Variants in PHF20 observed in about 807,000 individuals in gnomAD.
PHF20 encodes the protein PHD finger protein 20.
A neutral mutation model predicts 113.5 loss-of-function variants in PHF20; 23 were observed. The observed-to-expected ratio is 0.20, with a 90% CI of 0.15 to 0.29. The LOEUF (loss-of-function observed/expected upper bound fraction) is 0.29. Ranked by LOEUF, PHF20 falls within the 10% of genes least tolerant of loss-of-function variation. The pLI is 1.00. For synonymous variants in PHF20, 434 were observed against 457.3 expected (o/e 0.95, Z 0.65); for missense variants, 943 against 1,219.6 (o/e 0.77, Z 3.38).
intron 2 of PHF20, among the ~76,000 whole-genome samples, chr20:35,823,194 G>T (rs537327722): frequency 2.0e-4 from 31 of 152,200 alleles, no homozygotes; most frequent in African/African-American, 7.5e-4. Flanking sequence ...TGCTCAAAAA[G>T]TTTCGGATTT....
intron 4 of PHF20, chr20:35,849,427 G>A: frequency 2.1e-6 from 1 of 471,038 alleles, no homozygotes; most frequent in Non-Finnish European, 4.4e-6. Context: ...GAATGAAGTA[G>A]GTGCTGAAAT....
At chr20:35,801,903 T>C (rs2041788356) in intron 2 of PHF20, 2 of 228,762 alleles carry the variant, frequency 8.7e-6, no homozygotes, top group South Asian at 7.9e-5. Context: ...GCTCTCTTGC[T>C]CCTGGCTGCC....
rs1051070972 is a variant in PHF20, at chr20:35,899,662, T to C, written c.1561+14T>C. 18 of 1,612,644 alleles carry C rather than the reference T, an allele frequency of 1.1e-5. No individual in the cohort carries two copies. The highest frequency in any genetic ancestry group is 6.7e-5 in the East Asian group (3 of 44,870). On this transcript the variant is annotated intron_variant, in intron 10 of 17. Coordinates refer to ENST00000374012, the MANE Select transcript of PHF20 (RefSeq NM_016436.5). ...CCAGTTCCCCAAGTAAGTATCTTCATTCTTCATTGTGTCATGGATGGCTCA... is the reference window on the plus strand; with the variant it reads ...CCAGTTCCCCAAGTAAGTATCTTCACTCTTCATTGTGTCATGGATGGCTCA...
chr20:35,778,548 A>C (rs529972460), intron 1 of PHF20, among the ~76,000 whole-genome samples: 123 of 152,170 alleles, frequency 8.1e-4, no homozygotes, highest in African/African-American at 2.8e-3. Context: ...TCAGGAGTTC[A>C]AGACCAGCCT....
chr20:35,857,241 A>G (rs555063943), intron 4 of PHF20, among the ~76,000 whole-genome samples: 1 of 152,310 alleles, frequency 6.6e-6, no homozygotes, highest in African/African-American at 2.4e-5. Context: ...ATTGGCTCTA[A>G]GATGCAAAAT....
intron 2 of PHF20, among the ~76,000 whole-genome samples, chr20:35,820,801 CT>C (rs1218162956): frequency 1.3e-5 from 2 of 151,668 alleles, no homozygotes; most frequent in Non-Finnish European, 2.9e-5. Flanking sequence ...ATGTGTTTTG[CT>C]TTTTTTATAT....
At chr20:35,833,790 C>T (rs185437110) in intron 2 of PHF20, among the ~76,000 whole-genome samples, 6 of 152,110 alleles carry the variant, frequency 3.9e-5, no homozygotes, top group African/African-American at 1.2e-4. Context: ...CCAGGCACAG[C>T]GGTTCATGCC....
At chr20:35,863,793 A>G (rs2054262360) in intron 6 of PHF20, among the ~76,000 whole-genome samples, 1 of 152,182 alleles carries the variant, frequency 6.6e-6, no homozygotes, top group African/African-American at 2.4e-5. Context: ...GTAATAGTAA[A>G]AAGGTATGGG....
intron 4 of PHF20, among the ~76,000 whole-genome samples, chr20:35,851,120 G>A (rs749739125): frequency 5.3e-5 from 8 of 152,118 alleles, no homozygotes; most frequent in Non-Finnish European, 1.2e-4. Context: ...TTTGCCCCCA[G>A]TAGTGTACAA....
chr20:35,899,952 G>C (rs1038340930), intron 10 of PHF20, among the ~76,000 whole-genome samples: 1 of 152,190 alleles, frequency 6.6e-6, no homozygotes, highest in Non-Finnish European at 1.5e-5. Context: ...GAGAACTCGT[G>C]CTCAGAGCAG....
At position 35,842,672 on chromosome 20, in the gene PHF20, C is replaced by T. The variant is rs1568639117; in HGVS notation, c.183C>T (p.Asp61=). Residue 61 remains aspartate, a synonymous_variant, in exon 3 of 18, where the codon GAC becomes GAT. Transcript: ENST00000374012. ...NHRYDEWFCW[D]SPYLRPLEKI... is the part of the protein sequence containing the mutation. ...GTTATGATGAGTGGTTCTGCTGGGACAGTCCTTATTTACGCCCTTTAGAGA... is the reference window on the plus strand; with the variant it reads ...GTTATGATGAGTGGTTCTGCTGGGATAGTCCTTATTTACGCCCTTTAGAGA... 6.2e-7 allele frequency: 1 copy of T among 1,614,060 alleles called. No individual in the cohort carries two copies. The highest frequency in any genetic ancestry group is 8.5e-7 in the Non-Finnish European group (1 of 1,179,922).
At position 35,950,305 on chromosome 20, in the gene PHF20, A is replaced by G. The variant is rs537449839; in HGVS notation, c.*2678A>G. 6 of 152,788 alleles carry G rather than the reference A, an allele frequency of 3.9e-5. No individual in the cohort carries two copies. The South Asian group carries it at 1.0e-3, about 26-fold the overall frequency. 9.5% of individuals were successfully genotyped at this position (152,788 alleles called of 1,614,324 possible). A position where few individuals can be genotyped will look rare whatever the true frequency, so the allele number is the denominator to read the frequency against. On this transcript the variant is annotated 3_prime_UTR_variant, in exon 18 of 18. Coordinates refer to ENST00000374012, the MANE Select transcript of PHF20 (RefSeq NM_016436.5). Reference sequence around the variant, plus strand: ...TATATAGAAATGTTGCTTTGAAGCAATATTTGCAAAACACGCAGACTTCTG... The same window carrying G: ...TATATAGAAATGTTGCTTTGAAGCAGTATTTGCAAAACACGCAGACTTCTG...
At chr20:35,938,046 T>G (rs767004473) in intron 15 of PHF20, among the ~76,000 whole-genome samples, 2 of 152,098 alleles carry the variant, frequency 1.3e-5, no homozygotes, top group African/African-American at 2.4e-5. Context: ...TAATTTTTTT[T>G]GTATTTTAGT....
At chr20:35,916,145 T>C (rs1435165712) in intron 12 of PHF20, among the ~76,000 whole-genome samples, 1 of 151,964 alleles carries the variant, frequency 6.6e-6, no homozygotes, top group Non-Finnish European at 1.5e-5. Flanking sequence ...AATAAGTAAA[T>C]AAAATAAAAA....
chr20:35,888,745 C>A (rs1451626564), intron 9 of PHF20, among the ~76,000 whole-genome samples: 2 of 151,410 alleles, frequency 1.3e-5, no homozygotes, highest in Non-Finnish European at 2.9e-5. Flanking sequence ...CATAGGGAGA[C>A]CCTCATCTCT....
intron 13 of PHF20, among the ~76,000 whole-genome samples, chr20:35,919,991 G>A (rs2055480391): frequency 6.6e-6 from 1 of 152,104 alleles, no homozygotes; most frequent in Non-Finnish European, 1.5e-5. Context: ...TTTTATCAGT[G>A]ATATACACAT....
At chr20:35,822,770 T>A (rs1177254168) in intron 2 of PHF20, among the ~76,000 whole-genome samples, 1 of 147,170 alleles carries the variant, frequency 6.8e-6, no homozygotes, top group Non-Finnish European at 1.5e-5. Flanking sequence ...CCCAGGAGTT[T>A]GAGGCTACAG....
chr20:35,848,234 C>G (rs2042657415), intron 4 of PHF20, among the ~76,000 whole-genome samples: 1 of 152,154 alleles, frequency 6.6e-6, no homozygotes, highest in African/African-American at 2.4e-5. Flanking sequence ...TGCTGGGCCT[C>G]AGGCTGACCA....
At chr20:35,867,407 G>A (rs1033076074) in intron 6 of PHF20, among the ~76,000 whole-genome samples, 9 of 152,064 alleles carry the variant, frequency 5.9e-5, no homozygotes, top group African/African-American at 2.2e-4. Flanking sequence ...CTACAGGCAT[G>A]TGCCACCATG....
Sources: gnomAD v4.1 joint callset for allele counts (sites outside exome capture counted in the v4.1 genomes callset) on GRCh38, gnomAD v4.1.1 for gene constraint, MANE v1.5 for transcripts, NCBI Gene and HGNC (gene_info 2026-07-23, HGNC 2026-07-21) for gene names.